The following NALCN variants were observed in gnomAD, a reference collection of about 807,000 sequenced individuals.
The protein encoded by NALCN is sodium leak channel NALCN.
In NALCN, 111 loss-of-function variants were observed where a neutral mutation model predicts 225.3. The observed-to-expected ratio is 0.49, with a 90% CI of 0.42 to 0.58. NALCN has a LOEUF of 0.58. Ranked by LOEUF, NALCN falls within the 20% of genes least tolerant of loss-of-function variation. NALCN has a pLI of 0.00. For missense variants in NALCN, 1,378 were observed against 2,202.4 expected (o/e 0.63, Z 7.49); for synonymous variants, 764 against 769.0 (o/e 0.99, Z 0.11).
At chr13:101,271,576 A>G (rs930564523) in intron 10 of NALCN, among the ~76,000 whole-genome samples, 1 of 151,878 alleles carries the variant, frequency 6.6e-6, no homozygotes, top group African/African-American at 2.4e-5. Flanking sequence ...TATTCCCCTG[A>G]GAAATTGAAA....
At chr13:101,257,565 CT>C (rs1276230162) in intron 11 of NALCN, among the ~76,000 whole-genome samples, 1 of 151,882 alleles carries the variant, frequency 6.6e-6, no homozygotes, top group Non-Finnish European at 1.5e-5. Flanking sequence ...GTGAAAAATG[CT>C]TTGGTAAAAA....
intron 7 of NALCN, among the ~76,000 whole-genome samples, chr13:101,294,556 G>GTTTTT (rs2043667792): frequency 9.8e-6 from 1 of 101,532 alleles, no homozygotes; most frequent in Admixed American, 9.7e-5. Context: ...TAAGTTTATT[G>GTTTTT]TTTCTTTTTT....
At chr13:101,415,201 TCA>T (rs35726443) in intron 1 of NALCN, among the ~76,000 whole-genome samples, 31,794 of 75,680 alleles carry the variant, frequency 0.42, 7,765 homozygotes, top group African/African-American at 0.66. Flanking sequence ...AACATACAAA[TCA>T]CACACATATA....
At chr13:101,269,790 G>A (rs996712820) in intron 10 of NALCN, among the ~76,000 whole-genome samples, 7 of 152,180 alleles carry the variant, frequency 4.6e-5, no homozygotes, top group African/African-American at 1.7e-4. Flanking sequence ...GCAGTCACCA[G>A]GGCTGTCCCT....
intron 13 of NALCN, among the ~76,000 whole-genome samples, chr13:101,227,670 A>G (rs747671941): frequency 2.4e-4 from 36 of 152,148 alleles, no homozygotes; most frequent in Non-Finnish European, 3.1e-4. Context: ...TAAGCCCTCA[A>G]TGAAACCCCA....
At chr13:101,206,750 A>G (rs924502457) in intron 13 of NALCN, among the ~76,000 whole-genome samples, 3 of 150,774 alleles carry the variant, frequency 2.0e-5, no homozygotes, top group Non-Finnish European at 3.0e-5. Context: ...ATATATACAC[A>G]TATAACAAAA....
intron 12 of NALCN, 119 bp downstream of exon 12, chr13:101,237,636 T>TAATAGTTATTATATATAAATA: frequency 2.3e-6 from 1 of 443,040 alleles, no homozygotes; most frequent in Admixed American, 4.8e-5. Context: ...ATATTTACCA[T>TAATAGTTATTATATATAAATA]AATAGTTATT....
chr13:101,117,251 T>C (rs908518903), intron 18 of NALCN, among the ~76,000 whole-genome samples: 2 of 152,174 alleles, frequency 1.3e-5, no homozygotes, highest in African/African-American at 4.8e-5. Context: ...CTTATACCCA[T>C]ACTATAAACA....
chr13:101,278,522 CAAAAAAA>C (rs3061766), intron 10 of NALCN, among the ~76,000 whole-genome samples: 1 of 87,476 alleles, frequency 1.1e-5, no homozygotes, highest in African/African-American at 5.7e-5. Flanking sequence ...GACTCTGTCT[CAAAAAAA>C]AAAAAAAAAA....
intron 1 of NALCN, among the ~76,000 whole-genome samples, chr13:101,415,238 T>TATATATATATACA (rs2047908322): frequency 6.7e-6 from 1 of 149,130 alleles, no homozygotes; most frequent in African/African-American, 2.5e-5. Flanking sequence ...TACATATATA[T>TATATATATATACA]TTCAAAATCG....
intron 1 of NALCN, among the ~76,000 whole-genome samples, chr13:101,414,312 C>A (rs1490476589): frequency 6.6e-6 from 1 of 152,182 alleles, no homozygotes; most frequent in Non-Finnish European, 1.5e-5. Flanking sequence ...CTTAGGCTCT[C>A]AGTTTATCTC....
At chr13:101,168,896 C>T (rs756097182) in intron 15 of NALCN, among the ~76,000 whole-genome samples, 51 of 152,142 alleles carry the variant, frequency 3.4e-4, no homozygotes, top group Non-Finnish European at 6.3e-4. Context: ...CTAAAAAAGA[C>T]TCTGCAGTTC....
chr13:101,156,620 AGGTTCTCCTGTG>A (rs2037914404), intron 15 of NALCN, among the ~76,000 whole-genome samples: 1 of 152,148 alleles, frequency 6.6e-6, no homozygotes, highest in African/African-American at 2.4e-5. Context: ...CTAGCCCCAC[AGGTTCTCCTGTG>A]GCATCTCCCC....
At chr13:101,185,912 C>T (rs1003963430) in intron 14 of NALCN, among the ~76,000 whole-genome samples, 32 of 152,134 alleles carry the variant, frequency 2.1e-4, no homozygotes, top group Non-Finnish European at 4.3e-4. Context: ...TCCCTTCTCA[C>T]CCATTTGGGT....
At chr13:101,294,364 G>C (rs1307728064) in intron 7 of NALCN, among the ~76,000 whole-genome samples, 1 of 152,108 alleles carries the variant, frequency 6.6e-6, no homozygotes, top group African/African-American at 2.4e-5. Context: ...ATAAATGCTT[G>C]AGGTTATGGA....
chr13:101,130,007 A>T (rs1424533867), intron 17 of NALCN, among the ~76,000 whole-genome samples: 1 of 152,012 alleles, frequency 6.6e-6, no homozygotes, highest in Non-Finnish European at 1.5e-5. Flanking sequence ...GCTGAGAATG[A>T]TGGTTTCCAG....
chr13:101,346,087 C>CTCTCTCTCTCTCTCTCTCTCTCTCTCTA, intron 6 of NALCN, among the ~76,000 whole-genome samples: 16 of 70,966 alleles, frequency 2.3e-4, no homozygotes, highest in Non-Finnish European at 4.0e-4. Context: ...CTCTCTCTCT[C>CTCTCTCTCTCTCTCTCTCTCTCTCTCTA]TATATATATA....
intron 12 of NALCN, among the ~76,000 whole-genome samples, 159 bp from the exon 13 acceptor site, chr13:101,229,743 T>C (rs2041275363): frequency 6.6e-6 from 1 of 152,190 alleles, no homozygotes; most frequent in Admixed American, 6.5e-5. Context: ...AGAATAACCA[T>C]TGGTCTAGCT....
At chr13:101,416,620 T>C (rs1232705822), upstream of NALCN, 1 of 152,260 alleles carries the variant, frequency 6.6e-6, no homozygotes. Context: ...CTACAGGGAC[T>C]GCAGTGATGC....
Sources: allele counts gnomAD v4.1 joint callset (sites outside exome capture counted in the v4.1 genomes callset), GRCh38; gene constraint gnomAD v4.1.1; transcripts MANE v1.5; gene names NCBI Gene and HGNC (gene_info 2026-07-23, HGNC 2026-07-21).